The following NSDHL variants were observed in gnomAD, a reference collection of about 807,000 sequenced individuals.
NSDHL encodes sterol-4-alpha-carboxylate 3-dehydrogenase, decarboxylating.
A neutral mutation model predicts 23.0 loss-of-function variants in NSDHL; 1 was observed. That is an observed-to-expected ratio of 0.04 (90% CI 0.02 to 0.21). The LOEUF (loss-of-function observed/expected upper bound fraction) is 0.21. Among genes scored for constraint, NSDHL ranks in the 10% least tolerant of loss-of-function variants. The pLI, the probability that NSDHL is intolerant of heterozygous loss-of-function variation, is 1.00. For synonymous variants in NSDHL, 128 were observed against 121.1 expected (o/e 1.06, Z -0.37); for missense variants, 237 against 300.9 (o/e 0.79, Z 1.57).
chrX:152,865,060 G>A (rs782224424), intron 5 of NSDHL, among the ~76,000 whole-genome samples: 3 of 112,438 alleles, frequency 2.7e-5, no homozygotes, highest in South Asian at 7.3e-4. Flanking sequence ...TTTTACCCAC[G>A]ATAAAACAAA....
intron 3 of NSDHL, among the ~76,000 whole-genome samples, chrX:152,855,058 GATCTTGACTCACT>G (rs1933422676): frequency 9.6e-6 from 1 of 104,288 alleles, no homozygotes; most frequent in Non-Finnish European, 2.0e-5. Context: ...GCAGTGGCGT[GATCTTGACTCACT>G]GCAAACTCTA....
At chrX:152,854,996 C>CTT (rs138412629) in intron 3 of NSDHL, among the ~76,000 whole-genome samples, 21 of 98,801 alleles carry the variant, frequency 2.1e-4, no homozygotes, top group African/African-American at 6.3e-4. Context: ...TTACATAACA[C>CTT]TTTTTTTTTT....
chrX:152,834,552 A>G (rs1283809187), intron 1 of NSDHL, among the ~76,000 whole-genome samples: 1 of 112,443 alleles, frequency 8.9e-6, no homozygotes, highest in African/African-American at 3.2e-5. Flanking sequence ...CCCATATCAC[A>G]TCTTTGAATT....
intron 3 of NSDHL, among the ~76,000 whole-genome samples, chrX:152,853,869 C>T (rs902411970): frequency 8.9e-6 from 1 of 112,298 alleles, no homozygotes; most frequent in African/African-American, 3.2e-5. Context: ...GCTCTAGTTT[C>T]TGCATAACAC....
chrX:152,845,772 C>A (rs1230965930), intron 1 of NSDHL, among the ~76,000 whole-genome samples: 1 of 111,832 alleles, frequency 8.9e-6, no homozygotes, highest in Admixed American at 9.5e-5. Context: ...CATCCCATGT[C>A]CTGAGCTCCT....
At chrX:152,854,275 G>A (rs1462427283) in intron 3 of NSDHL, among the ~76,000 whole-genome samples, 1 of 111,818 alleles carries the variant, frequency 8.9e-6, no homozygotes, top group African/African-American at 3.3e-5. Flanking sequence ...GAGTTTACTA[G>A]ACAAATTTAA....
chrX:152,840,767 A>G (rs1163122277), intron 1 of NSDHL, among the ~76,000 whole-genome samples: 2 of 112,476 alleles, frequency 1.8e-5, no homozygotes, highest in African/African-American at 3.2e-5. Context: ...AGGGTCAGGG[A>G]CCCACTTGAG....
chrX:152,831,531 C>G (rs1314331751), intron 1 of NSDHL: 1 of 122,642 alleles, frequency 8.2e-6, no homozygotes, highest in African/African-American at 3.2e-5. Context: ...TGAACTGGGG[C>G]CTTTGGGAAC....
At chrX:152,833,068 A>G (rs1556843593) in intron 1 of NSDHL, among the ~76,000 whole-genome samples, 1 of 111,040 alleles carries the variant, frequency 9.0e-6, no homozygotes, top group East Asian at 2.8e-4. Context: ...GTGAATAGTA[A>G]ATATATTTTC....
chrX:152,844,304 G>A (rs1222763930), intron 1 of NSDHL, among the ~76,000 whole-genome samples: 1 of 112,433 alleles, frequency 8.9e-6, no homozygotes, highest in Admixed American at 9.3e-5. Flanking sequence ...CCAGGCAGCC[G>A]ACTCTGGGTT....
chrX:152,850,580 T>C (rs1933341577), intron 3 of NSDHL, among the ~76,000 whole-genome samples, 157 bp downstream of exon 3: 1 of 112,295 alleles, frequency 8.9e-6, no homozygotes, highest in African/African-American at 3.2e-5. Flanking sequence ...TCTTACTGCT[T>C]AGAATGAATA....
chrX:152,866,127 G>A (rs1271458690), intron 6 of NSDHL, among the ~76,000 whole-genome samples, 166 bp downstream of exon 6: 2 of 112,635 alleles, frequency 1.8e-5, no homozygotes, highest in African/African-American at 6.5e-5. Context: ...ACAAACAACA[G>A]AGAGCTTGGA....
chrX:152,841,901 C>T (rs1317033879), intron 1 of NSDHL, among the ~76,000 whole-genome samples: 1 of 112,305 alleles, frequency 8.9e-6, no homozygotes, highest in Non-Finnish European at 1.9e-5. Context: ...GCCTTCAGAA[C>T]TCTTTTCCTC....
chrX:152,854,657 G>A (rs898342211), intron 3 of NSDHL, among the ~76,000 whole-genome samples: 13 of 109,294 alleles, frequency 1.2e-4, no homozygotes, highest in Middle Eastern at 4.6e-3. Context: ...TGATCCGCCC[G>A]CCTCTGCCTC....
intron 2 of NSDHL, among the ~76,000 whole-genome samples, chrX:152,847,841 A>G (rs1273992227): frequency 3.6e-5 from 4 of 110,087 alleles, no homozygotes; most frequent in Non-Finnish European, 7.6e-5. Flanking sequence ...TTGCAATTAG[A>G]TTAGTTTGCC....
At position 152,869,422 on chromosome X, in the gene NSDHL, T is replaced by G. The variant is rs141761159; in HGVS notation, c.*306T>G. On this transcript the variant is annotated 3_prime_UTR_variant, in exon 8 of 8. Transcript: ENST00000370274. ...CCCCTCTTCTGGTTTATACATTTCA[T>G]TCCAGTGTCCTTGTACATAATCAAG... 4.4e-3 allele frequency: 1,476 copies of G among 336,754 alleles called. 25 individuals carry two copies. The highest frequency in any genetic ancestry group is 0.035 in the African/African-American group (1,328 of 37,933). The allele number at this position is 336,754 out of a possible 1,213,427, so 27.8% of individuals were successfully genotyped here.
chrX:152,852,953 G>A (rs1933380482), intron 3 of NSDHL, among the ~76,000 whole-genome samples: 1 of 109,939 alleles, frequency 9.1e-6, no homozygotes, highest in Non-Finnish European at 1.9e-5. Context: ...CTGCCTCACT[G>A]ATTGTCTCCT....
rs1556848011 is a variant in NSDHL, at chrX:152,865,807, A to T, written c.544-12A>T. On this transcript the variant is annotated splice_polypyrimidine_tract_variant and intron_variant, in intron 5 of 7. Transcript: ENST00000370274. ...TTGCAATGGACGTGCCCCTTCTCCC[A>T]CTCTCCTCCAGGCAGTTCTGGGCGC... is the stretch of plus-strand genomic sequence containing the variant. 1.7e-6 allele frequency: 2 copies of T among 1,210,772 alleles called. No homozygotes were observed. The highest frequency in any genetic ancestry group is 3.5e-5 in the South Asian group (2 of 56,945).
At chrX:152,842,019 G>A (rs782075391) in intron 1 of NSDHL, among the ~76,000 whole-genome samples, 78 of 112,176 alleles carry the variant, frequency 7.0e-4, no homozygotes, top group African/African-American at 2.4e-3. Flanking sequence ...CGAGGTTCAC[G>A]CATGTTGTTG....
Sources: gnomAD v4.1 joint callset for allele counts (sites outside exome capture counted in the v4.1 genomes callset) on GRCh38, gnomAD v4.1.1 for gene constraint, MANE v1.5 for transcripts, NCBI Gene and HGNC (gene_info 2026-07-23, HGNC 2026-07-21) for gene names.